MMP26: variants seen among roughly 807,000 people sequenced by gnomAD.
MMP26 encodes the protein matrix metalloproteinase-26.
In MMP26, 33 loss-of-function variants were observed where a neutral mutation model predicts 31.0. The ratio of observed to expected loss-of-function variants is 1.06; its 90% CI spans 0.81 to 1.42. The LOEUF (loss-of-function observed/expected upper bound fraction) is 1.42, where lower values mean the gene tolerates loss of function less well. Ranked by LOEUF, MMP26 falls within the 40% of genes most tolerant of loss-of-function variation. The pLI, the probability that MMP26 is intolerant of heterozygous loss-of-function variation, is 0.00. For synonymous variants in MMP26, 122 were observed against 114.9 expected (o/e 1.06, Z -0.40); for missense variants, 347 against 316.1 (o/e 1.10, Z -0.74).
At chr11:4,871,451 C>T (rs1850309103) in intron 2 of MMP26, among the ~76,000 whole-genome samples, 2 of 152,020 alleles carry the variant, frequency 1.3e-5, no homozygotes, top group Admixed American at 6.6e-5. Context: ...GTTAGTGATG[C>T]ACGTTCATAT....
rs1846388609 is a variant in MMP26, at chr11:4,952,932, C to G, written c.-144-35136C>G. 1.6e-5 allele frequency among the ~76,000 whole-genome samples: 2 copies of G among 123,468 alleles called. 1 individual carries two copies. The highest frequency in any genetic ancestry group is 5.5e-5 in the African/African-American group (2 of 36,280). 81.0% of individuals were successfully genotyped at this position (123,468 alleles called of 152,430 possible). A position where few individuals can be genotyped will look rare whatever the true frequency, so the allele number is the denominator to read the frequency against. ...CATTTGACATTCCTGGAAGGTGTTT[C>G]TTGATTTACCTGAGGATGAAGTGTA... is the stretch of plus-strand genomic sequence containing the variant. On this transcript the variant is annotated intron_variant, in intron 2 of 7. Coordinates refer to ENST00000380390, the MANE Select transcript of MMP26 (RefSeq NM_021801.5).
At chr11:4,945,283 G>C (rs980081576) in intron 2 of MMP26, 1 of 152,092 alleles carries the variant, frequency 6.6e-6, no homozygotes, top group African/African-American at 2.4e-5. Context: ...TTGGAGTCAA[G>C]AGCATTTTAA....
intron 2 of MMP26, among the ~76,000 whole-genome samples, chr11:4,865,672 T>G (rs1226881525): frequency 2.0e-5 from 3 of 152,054 alleles, no homozygotes; most frequent in African/African-American, 7.2e-5. Flanking sequence ...GTAGTACCAG[T>G]AGTTTTATCA....
At chr11:4,731,030 C>G (rs1489075756) in intron 1 of MMP26, among the ~76,000 whole-genome samples, 1 of 152,104 alleles carries the variant, frequency 6.6e-6, no homozygotes, top group African/African-American at 2.4e-5. Context: ...CTGCAGCCTC[C>G]ACCTCCCAGG....
chr11:4,737,655 A>AACAAAC (rs138331105), intron 1 of MMP26, among the ~76,000 whole-genome samples: 2 of 151,902 alleles, frequency 1.3e-5, no homozygotes, highest in Non-Finnish European at 2.9e-5. Flanking sequence ...AACAAAACAA[A>AACAAAC]ACAAACACAA....
intron 2 of MMP26, among the ~76,000 whole-genome samples, chr11:4,984,982 A>G (rs1416876719): frequency 2.0e-5 from 3 of 152,124 alleles, no homozygotes; most frequent in African/African-American, 7.2e-5. Context: ...TGCTTCTTTC[A>G]AAACTACTAT....
intron 2 of MMP26, chr11:4,848,849 G>A (rs868019894): frequency 1.1e-5 from 17 of 1,614,076 alleles, no homozygotes; most frequent in Non-Finnish European, 1.4e-5. Flanking sequence ...GCAAGACAGA[G>A]GACTCCATGA....
intron 2 of MMP26, among the ~76,000 whole-genome samples, chr11:4,899,466 T>G (rs1438755814): frequency 6.6e-6 from 1 of 152,210 alleles, no homozygotes; most frequent in African/African-American, 2.4e-5. Flanking sequence ...ACAACATTTA[T>G]TGCATAGGTT....
chr11:4,724,146 G>A (rs1429287243), intron 1 of MMP26: 4 of 595,576 alleles, frequency 6.7e-6, no homozygotes, highest in East Asian at 2.7e-5. Flanking sequence ...ACACCTCGTA[G>A]GACTTCTGGG....
Position 4,986,956 on chromosome 11 carries a change from T to TTTCC in MMP26, c.-144-1112_-144-1111insTTCC, listed in dbSNP as rs1564819801. ...CCCTCTCTCTCTCTCTCTCTCTCTC[T>TTTCC]CTCCCTCTCTCTCTCTCTCTTTCTT... On this transcript the variant is annotated intron_variant, in intron 2 of 7. Coordinates refer to ENST00000380390, the MANE Select transcript of MMP26 (RefSeq NM_021801.5). Among the ~76,000 whole-genome samples, 240 of 140,362 alleles carry TTTCC rather than the reference T, an allele frequency of 1.7e-3. 1 individual carries two copies. Among genetic ancestry groups the TTTCC allele is most frequent in the African/African-American group, 6.5e-3 (229 of 35,460 alleles). 92.1% of individuals were successfully genotyped at this position (140,362 alleles called of 152,430 possible).
At chr11:4,973,218 G>T in intron 2 of MMP26, 1 of 163,600 alleles carries the variant, frequency 6.1e-6, no homozygotes. Flanking sequence ...ACTGCTTTCA[G>T]TATCAACATG....
intron 2 of MMP26, among the ~76,000 whole-genome samples, chr11:4,784,952 T>G (rs1185466299): frequency 1.3e-5 from 2 of 152,236 alleles, no homozygotes; most frequent in Admixed American, 6.5e-5. Flanking sequence ...GAGAAGATTT[T>G]GAATGTTTTC....
chr11:4,900,850 C>A (rs1475730760), intron 2 of MMP26, among the ~76,000 whole-genome samples: 1 of 152,148 alleles, frequency 6.6e-6, no homozygotes, highest in Non-Finnish European at 1.5e-5. Flanking sequence ...TGTATTCTTA[C>A]ATAGAACCAC....
At chr11:4,811,110 A>G (rs911351041) in intron 2 of MMP26, among the ~76,000 whole-genome samples, 7 of 152,210 alleles carry the variant, frequency 4.6e-5, no homozygotes, top group Non-Finnish European at 8.8e-5. Flanking sequence ...CCAGGTATAC[A>G]GGAAATATTC....
chr11:4,761,023 C>T (rs888931079), intron 1 of MMP26, among the ~76,000 whole-genome samples: 1 of 152,018 alleles, frequency 6.6e-6, no homozygotes, highest in Admixed American at 6.6e-5. Flanking sequence ...GGCAACAGGA[C>T]CATAGAAGTG....
At chr11:4,874,966 A>G (rs948160368) in intron 2 of MMP26, among the ~76,000 whole-genome samples, 3 of 152,100 alleles carry the variant, frequency 2.0e-5, no homozygotes, top group Non-Finnish European at 2.9e-5. Flanking sequence ...GCGTGGAAGG[A>G]AAAGAATGGG....
Position 4,767,314 on chromosome 11 carries a change from T to G in MMP26, c.-172T>G, listed in dbSNP as rs910320374. On this transcript the variant is annotated 5_prime_UTR_variant, in exon 2 of 8. Transcript: ENST00000380390. ...CTATCCAGCATGCACTTTTGGATAC[T>G]CTTTCAACTCAGAAGTCAACATAAA... 1 of 152,202 alleles carries G rather than the reference T, an allele frequency of 6.6e-6. No homozygotes were observed. Among genetic ancestry groups the G allele is most frequent in the Non-Finnish European group, 1.5e-5 (1 of 68,022 alleles). 9.4% of individuals were successfully genotyped at this position (152,202 alleles called of 1,614,324 possible). A position where few individuals can be genotyped will look rare whatever the true frequency, so the allele number is the denominator to read the frequency against.
At chr11:4,752,140 A>T (rs1848454113) in intron 1 of MMP26, 2 of 152,100 alleles carry the variant, frequency 1.3e-5, no homozygotes, top group Non-Finnish European at 2.9e-5. Flanking sequence ...ATGAGCAAGT[A>T]TACGTTAGCA....
chr11:4,992,309 A>T lies in MMP26; in HGVS notation c.*67A>T. On this transcript the variant is annotated 3_prime_UTR_variant, in exon 8 of 8. Coordinates refer to ENST00000380390, the MANE Select transcript of MMP26 (RefSeq NM_021801.5). The stretch of plus-strand genomic sequence containing the variant: ...TTTATTGGAGGATCAAAGAACTGAA[A>T]GCACTAGAGCAGCCTTGGGGACTGC... 1 of 1,498,228 alleles carries T rather than the reference A, an allele frequency of 6.7e-7. No homozygotes were observed. Among genetic ancestry groups the T allele is most frequent in the Non-Finnish European group, 9.1e-7 (1 of 1,094,474 alleles). The allele number at this position is 1,498,228 out of a possible 1,614,324, so 92.8% of individuals were successfully genotyped here.
Sources: allele counts gnomAD v4.1 joint callset (sites outside exome capture counted in the v4.1 genomes callset), GRCh38; gene constraint gnomAD v4.1.1; transcripts MANE v1.5; gene names NCBI Gene and HGNC (gene_info 2026-07-23, HGNC 2026-07-21).